GRIK4: variants seen among roughly 807,000 people sequenced by gnomAD.
GRIK4 encodes the protein glutamate receptor ionotropic, kainate 4.
GRIK4 carries 40 observed loss-of-function variants against 104.9 expected under a neutral mutation model. The observed-to-expected ratio is 0.38, with a 90% CI of 0.30 to 0.50. The LOEUF is 0.50. GRIK4 is among the 20% of genes least tolerant of loss of function. The pLI is 0.93. For missense variants in GRIK4, 1,047 were observed against 1,308.1 expected, an observed-to-expected ratio of 0.80 and a Z score of 3.08; for synonymous variants, 485 against 524.9, an observed-to-expected ratio of 0.92 and a Z score of 1.04.
chr11:120,620,340 C>G (rs370160927), intron 1 of GRIK4: 83 of 614,264 alleles, frequency 1.4e-4, no homozygotes, highest in East Asian at 7.2e-4. Flanking sequence ...TTTTTCTGCC[C>G]CAGCTCGAGA....
intron 3 of GRIK4, among the ~76,000 whole-genome samples, chr11:120,742,970 C>T (rs1951365367): frequency 1.3e-5 from 2 of 152,202 alleles, no homozygotes; most frequent in Non-Finnish European, 2.9e-5. Context: ...TGGTGGCTCA[C>T]ACCTATAATC....
At chr11:120,560,489 G>A (rs557702914) in intron 1 of GRIK4, among the ~76,000 whole-genome samples, 11 of 152,190 alleles carry the variant, frequency 7.2e-5, no homozygotes, top group Non-Finnish European at 1.6e-4. Flanking sequence ...CTCCTTCACA[G>A]TGATATACGG....
At chr11:120,964,054 A>G (rs1468594721) in intron 18 of GRIK4, among the ~76,000 whole-genome samples, 1 of 151,154 alleles carries the variant, frequency 6.6e-6, no homozygotes, top group African/African-American at 2.4e-5. Flanking sequence ...GTGCAGTGGC[A>G]CTATCTAGGC....
At chr11:120,737,103 TG>T (rs1351873325) in intron 3 of GRIK4, among the ~76,000 whole-genome samples, 1 of 152,236 alleles carries the variant, frequency 6.6e-6, no homozygotes, top group African/African-American at 2.4e-5. Context: ...TTTATACTCA[TG>T]AGTTCATAAT....
chr11:120,539,308 G>A (rs555966777), intron 1 of GRIK4, among the ~76,000 whole-genome samples: 1 of 152,246 alleles, frequency 6.6e-6, no homozygotes, highest in South Asian at 2.1e-4. Context: ...GAACAGGTCT[G>A]GCAAATCCCA....
intron 18 of GRIK4, among the ~76,000 whole-genome samples, chr11:120,964,917 C>T (rs765079162): frequency 1.1e-4 from 17 of 152,246 alleles, no homozygotes; most frequent in South Asian, 6.2e-4. Context: ...AATTCATTTA[C>T]CAGACCATAT....
intron 13 of GRIK4, among the ~76,000 whole-genome samples, chr11:120,935,216 A>T (rs1011819251): frequency 4.6e-5 from 7 of 152,156 alleles, no homozygotes; most frequent in Admixed American, 4.6e-4. Context: ...ACTATTCCAG[A>T]CGGTGGAATA....
chr11:120,519,873 T>G (rs551057301), intron 1 of GRIK4, among the ~76,000 whole-genome samples: 3 of 107,086 alleles, frequency 2.8e-5, no homozygotes, highest in East Asian at 2.1e-4. Flanking sequence ...TGGTTTTTTT[T>G]TTTTTTGTTT....
At chr11:120,951,949 G>A (rs1944010896) in intron 14 of GRIK4, among the ~76,000 whole-genome samples, 1 of 152,240 alleles carries the variant, frequency 6.6e-6, no homozygotes, top group Non-Finnish European at 1.5e-5. Flanking sequence ...AGCCACTGGT[G>A]TGTCACCTCG....
chr11:120,612,518 T>C (rs552189610), intron 1 of GRIK4, among the ~76,000 whole-genome samples: 1 of 152,008 alleles, frequency 6.6e-6, no homozygotes, highest in Non-Finnish European at 1.5e-5. Context: ...AAAAAAATCT[T>C]ATTAGCCTTG....
At chr11:120,859,538 T>C (rs1445855473) in intron 8 of GRIK4, among the ~76,000 whole-genome samples, 7 of 152,178 alleles carry the variant, frequency 4.6e-5, no homozygotes, top group Admixed American at 4.6e-4. Flanking sequence ...GGAGTTGGGC[T>C]GATGTGTCTG....
intron 1 of GRIK4, among the ~76,000 whole-genome samples, chr11:120,637,235 G>T (rs974664438): frequency 6.6e-6 from 1 of 152,178 alleles, no homozygotes; most frequent in South Asian, 2.1e-4. Flanking sequence ...TGTTCTTGAG[G>T]GAAGCAGGTG....
chr11:120,865,588 C>T (rs375206608), intron 9 of GRIK4, among the ~76,000 whole-genome samples: 131 of 152,310 alleles, frequency 8.6e-4, no homozygotes, highest in African/African-American at 2.4e-3. Context: ...CAAGTGGAAA[C>T]GCAAAGACCT....
chr11:120,738,103 G>A (rs960817832), intron 3 of GRIK4, among the ~76,000 whole-genome samples: 7 of 152,192 alleles, frequency 4.6e-5, no homozygotes, highest in Non-Finnish European at 1.0e-4. Context: ...AGAGGGAGCC[G>A]CCACGGAGGC....
chr11:120,541,829 T>C (rs1313102367), intron 1 of GRIK4, among the ~76,000 whole-genome samples: 1 of 152,198 alleles, frequency 6.6e-6, no homozygotes, highest in Non-Finnish European at 1.5e-5. Flanking sequence ...AGGTATCCTA[T>C]ATTTTGGAAG....
At chr11:120,606,293 C>G (rs1277549270) in intron 1 of GRIK4, among the ~76,000 whole-genome samples, 1 of 152,196 alleles carries the variant, frequency 6.6e-6, no homozygotes, top group Non-Finnish European at 1.5e-5. Context: ...CAGACCCACG[C>G]TCCTCAGCGT....
At chr11:120,642,845 G>A (rs1467489500) in intron 1 of GRIK4, among the ~76,000 whole-genome samples, 1 of 152,180 alleles carries the variant, frequency 6.6e-6, no homozygotes, top group Non-Finnish European at 1.5e-5. Flanking sequence ...TGCTGCCTCT[G>A]TCTCTGAATT....
At chr11:120,950,908 C>T (rs1943984659) in intron 14 of GRIK4, among the ~76,000 whole-genome samples, 1 of 152,216 alleles carries the variant, frequency 6.6e-6, no homozygotes, top group African/African-American at 2.4e-5. Context: ...CCCTAAGTTA[C>T]TGGGTTTTGT....
At chr11:120,983,027 C>T (rs1009785026) in intron 20 of GRIK4, among the ~76,000 whole-genome samples, 1 of 152,102 alleles carries the variant, frequency 6.6e-6, no homozygotes, top group Non-Finnish European at 1.5e-5. Flanking sequence ...TTTTACTTCC[C>T]ATCTCCCAAG....
Sources: gnomAD v4.1 joint callset for allele counts (sites outside exome capture counted in the v4.1 genomes callset) on GRCh38, gnomAD v4.1.1 for gene constraint, MANE v1.5 for transcripts, NCBI Gene and HGNC (gene_info 2026-07-23, HGNC 2026-07-21) for gene names.